THSD7B: variants seen among roughly 807,000 people sequenced by gnomAD.
The protein encoded by THSD7B is thrombospondin type-1 domain-containing protein 7B.
In THSD7B, 138 loss-of-function variants were observed where a neutral mutation model predicts 213.6. The ratio of observed to expected loss-of-function variants is 0.65; its 90% CI spans 0.56 to 0.74. THSD7B has a LOEUF of 0.74. THSD7B is among the 30% of genes least tolerant of loss of function. The pLI, the probability that THSD7B is intolerant of heterozygous loss-of-function variation, is 0.00. For synonymous variants in THSD7B, 742 were observed against 687.0 expected (o/e 1.08, Z -1.25); for missense variants, 1,931 against 1,991.5 (o/e 0.97, Z 0.58).
intron 26 of THSD7B, 106 bp from the exon 27 acceptor site, chr2:137,667,668 A>T: frequency 1.2e-6 from 1 of 862,468 alleles, no homozygotes; most frequent in South Asian, 1.7e-5. Flanking sequence ...GTTCAAGTAC[A>T]GAACTGATGG....
At chr2:137,487,055 T>C (rs190642089) in intron 15 of THSD7B, among the ~76,000 whole-genome samples, 21 of 151,632 alleles carry the variant, frequency 1.4e-4, no homozygotes, top group Non-Finnish European at 2.4e-4. Flanking sequence ...AGATCCAAAA[T>C]TGACACCCTA....
chr2:137,311,028 C>T (rs1683890759), intron 12 of THSD7B, among the ~76,000 whole-genome samples: 1 of 150,490 alleles, frequency 6.6e-6, no homozygotes, highest in South Asian at 2.2e-4. Context: ...GTATTTTTTT[C>T]CAATTCTGTG....
chr2:137,080,196 A>G lies in THSD7B; in HGVS notation c.951-14677A>G, dbSNP rs545439036. The stretch of plus-strand genomic sequence containing the variant: ...TGTGTGTGTGTGTGTGTATATATAT[A>G]TAATTGTATTGTATTGTATTTTGAG... On this transcript the variant is annotated intron_variant, in intron 3 of 27. Coordinates refer to ENST00000409968, the MANE Select transcript of THSD7B (RefSeq NM_001316349.2). Among the ~76,000 whole-genome samples the G allele has an allele frequency of 2.7e-5, 4 of 149,880 alleles. No individual in the cohort carries two copies. The East Asian group carries it at 8.0e-4, about 30-fold the overall frequency.
At chr2:137,090,505 A>ACACTAAACT (rs1384324196) in intron 3 of THSD7B, among the ~76,000 whole-genome samples, 1 of 152,138 alleles carries the variant, frequency 6.6e-6, no homozygotes, top group Non-Finnish European at 1.5e-5. Context: ...ATATTTGTAA[A>ACACTAAACT]TAGGGAGATT....
intron 1 of THSD7B, among the ~76,000 whole-genome samples, chr2:136,819,548 G>A (rs960664131): frequency 1.3e-5 from 2 of 152,072 alleles, no homozygotes; most frequent in African/African-American, 4.8e-5. Context: ...TCAATGTACT[G>A]GGGAAAAGGC....
intron 11 of THSD7B, 65 bp from the exon 12 acceptor site, chr2:137,275,858 G>A (rs67227746): frequency 0.14 from 165,610 of 1,203,190 alleles, 15,319 homozygotes; most frequent in East Asian, 0.47. Flanking sequence ...TCAAACATAT[G>A]TAAGTATTTC....
At chr2:136,796,121 G>A (rs1252287893) in intron 1 of THSD7B, among the ~76,000 whole-genome samples, 2 of 150,344 alleles carry the variant, frequency 1.3e-5, no homozygotes, top group African/African-American at 4.9e-5. Flanking sequence ...TTTTTTTTTA[G>A]GTATGAATTT....
At chr2:136,955,754 T>C (rs574542) in intron 2 of THSD7B, among the ~76,000 whole-genome samples, 61,680 of 152,020 alleles carry the variant, frequency 0.41, 14,769 homozygotes, top group Non-Finnish European at 0.55. Flanking sequence ...AGAAACTATA[T>C]GTTTTCTCCT....
rs1682384871 is a variant in THSD7B, at chr2:137,616,265, C to A, written c.3514C>A (p.Gln1172Lys). 1 of 1,613,690 alleles carries A rather than the reference C, an allele frequency of 6.2e-7. No individual in the cohort carries two copies. Among genetic ancestry groups the A allele is most frequent in the Non-Finnish European group, 8.5e-7 (1 of 1,179,648 alleles). The part of the protein sequence containing the change: ...SRTCAEDSQV[Q>K]PCLLNENCFQ... ...GACTTGTGCTGAAGACTCACAGGTG[C>A]AGCCTTGCCTCCTGAATGAAAATTG... The change falls in exon 18 of 28, where the codon CAG becomes AAG. Residue 1172 changes from glutamine (Q) to lysine (K), a missense_variant. Coordinates refer to ENST00000409968, the MANE Select transcript of THSD7B (RefSeq NM_001316349.2).
chr2:137,595,154 T>C (rs1164760752), intron 17 of THSD7B, among the ~76,000 whole-genome samples: 1 of 152,042 alleles, frequency 6.6e-6, no homozygotes. Flanking sequence ...TTCCGTATGA[T>C]ATTTTATCAC....
intron 1 of THSD7B, among the ~76,000 whole-genome samples, chr2:136,789,972 T>C (rs1427599): frequency 0.11 from 16,250 of 152,082 alleles, 996 homozygotes; most frequent in South Asian, 0.2. Flanking sequence ...TTTGTCTTTT[T>C]TTATTTCTTA....
At chr2:136,784,360 C>T (rs920934107) in intron 1 of THSD7B, among the ~76,000 whole-genome samples, 2 of 152,108 alleles carry the variant, frequency 1.3e-5, no homozygotes, top group Non-Finnish European at 2.9e-5. Context: ...TTCCTTCTAT[C>T]ATTTAGAACA....
Position 137,038,214 on chromosome 2 carries a change from C to T in THSD7B, c.140-18206C>T, listed in dbSNP as rs1195442253. Among the ~76,000 whole-genome samples the T allele has an allele frequency of 4.6e-5, 7 of 152,214 alleles. No homozygotes were observed. In the South Asian group the frequency reaches 6.2e-4, roughly 14 times the overall value. ...TACAAGAATGTTTCATGGTTTTTGA[C>T]GTTCTAGGAGTGGAAAGAGACTGAA... On this transcript the variant is annotated intron_variant, in intron 2 of 27. Transcript: ENST00000409968.
chr2:137,118,116 A>G (rs1172256679), intron 5 of THSD7B, among the ~76,000 whole-genome samples: 1 of 152,202 alleles, frequency 6.6e-6, no homozygotes, highest in Non-Finnish European at 1.5e-5. Context: ...GGGAATGAAA[A>G]CGTAGAGAGC....
intron 12 of THSD7B, among the ~76,000 whole-genome samples, chr2:137,314,573 G>T (rs960321000): frequency 2.0e-5 from 3 of 152,190 alleles, no homozygotes; most frequent in East Asian, 3.8e-4. Context: ...TTTGGAGGAG[G>T]AGAGGTGCTC....
intron 17 of THSD7B, among the ~76,000 whole-genome samples, chr2:137,581,075 A>G (rs72844529): frequency 0.21 from 31,250 of 151,998 alleles, 3,487 homozygotes; most frequent in South Asian, 0.29. Flanking sequence ...TTAAACAAAT[A>G]CTCATTGTGT....
At position 136,912,321 on chromosome 2, in the gene THSD7B, C is replaced by CAAAAA. The variant is rs1159184476; in HGVS notation, c.139+30027_139+30031dup. Among the ~76,000 whole-genome samples, 5 of 55,830 alleles carry CAAAAA rather than the reference C, an allele frequency of 9.0e-5. 1 individual carries two copies. In the East Asian group the frequency reaches 2.2e-3, roughly 25 times the overall value. The allele number at this position is 55,830 out of a possible 152,430, so 36.6% of individuals were successfully genotyped here. ...TGGGTGACAGAGCGAGACTCCATCT[C>CAAAAA]AAAAAAAAAAAAAAAAAAAAAAAAA... is the stretch of plus-strand genomic sequence containing the variant. On this transcript the variant is annotated intron_variant, in intron 2 of 27. Transcript: ENST00000409968.
At chr2:137,090,057 A>G (rs538415304) in intron 3 of THSD7B, among the ~76,000 whole-genome samples, 7 of 152,020 alleles carry the variant, frequency 4.6e-5, no homozygotes, top group South Asian at 2.1e-4. Flanking sequence ...CATGTCACCA[A>G]ACACCACTGT....
intron 1 of THSD7B, among the ~76,000 whole-genome samples, chr2:136,801,759 G>A (rs1250142498): frequency 6.6e-6 from 1 of 152,104 alleles, no homozygotes; most frequent in Non-Finnish European, 1.5e-5. Flanking sequence ...TTGTGTCTGA[G>A]GGCAGGGTGT....
Sources: allele counts gnomAD v4.1 joint callset (sites outside exome capture counted in the v4.1 genomes callset), GRCh38; gene constraint gnomAD v4.1.1; transcripts MANE v1.5; gene names NCBI Gene and HGNC (gene_info 2026-07-23, HGNC 2026-07-21).